CDH9: variants seen among roughly 807,000 people sequenced by gnomAD.
The protein encoded by CDH9 is cadherin-9.
Under a neutral mutation model 70.9 loss-of-function variants are expected in CDH9, and 28 were observed. That is an observed-to-expected ratio of 0.40 (90% confidence interval 0.29 to 0.54). The LOEUF (loss-of-function observed/expected upper bound fraction) is 0.54, where lower values mean the gene tolerates loss of function less well. CDH9 is among the 20% of genes least tolerant of loss of function. The pLI is 0.59. For synonymous variants in CDH9, 409 were observed against 343.1 expected, an observed-to-expected ratio of 1.19 and a Z score of -2.12; for missense variants, 874 against 984.4, an observed-to-expected ratio of 0.89 and a Z score of 1.50.
At chr5:26,994,119 T>A (rs1267421984) in intron 1 of CDH9, among the ~76,000 whole-genome samples, 1 of 152,178 alleles carries the variant, frequency 6.6e-6, no homozygotes, top group Admixed American at 6.5e-5. Context: ...GCACATTACC[T>A]GCTTGCTATC....
chr5:27,038,047 C>A (rs558903596), intron 1 of CDH9, among the ~76,000 whole-genome samples: 2 of 151,964 alleles, frequency 1.3e-5, no homozygotes, highest in African/African-American at 2.4e-5. Context: ...GTGATTTAAA[C>A]AAAAGTTATG....
intron 1 of CDH9, among the ~76,000 whole-genome samples, chr5:27,018,069 A>T (rs1743076803): frequency 6.6e-6 from 1 of 151,856 alleles, no homozygotes; most frequent in Non-Finnish European, 1.5e-5. Flanking sequence ...GAAAGACACA[A>T]ATCATATTTT....
intron 1 of CDH9, among the ~76,000 whole-genome samples, chr5:27,019,795 A>G (rs1743106464): frequency 6.6e-6 from 1 of 151,942 alleles, no homozygotes. Flanking sequence ...TATCCTTTGA[A>G]ATAAAATAAG....
At chr5:27,027,173 TAG>T (rs1363973542) in intron 1 of CDH9, among the ~76,000 whole-genome samples, 2 of 152,074 alleles carry the variant, frequency 1.3e-5, no homozygotes, top group Admixed American at 1.3e-4. Context: ...CGATAAAGTG[TAG>T]AGTGTTCTAT....
intron 2 of CDH9, among the ~76,000 whole-genome samples, chr5:26,924,675 T>G (rs1310575202): frequency 2.0e-5 from 3 of 152,048 alleles, no homozygotes; most frequent in Admixed American, 2.0e-4. Flanking sequence ...ATTAGGTGTT[T>G]CTCTTAATGC....
intron 1 of CDH9, among the ~76,000 whole-genome samples, chr5:27,021,870 A>G (rs1287018372): frequency 6.6e-6 from 1 of 152,026 alleles, no homozygotes; most frequent in Admixed American, 6.6e-5. Context: ...CTCTAACTCC[A>G]GAAGGAAATC....
At chr5:26,888,213 A>G (rs1057241108) in intron 9 of CDH9, among the ~76,000 whole-genome samples, 5 of 152,176 alleles carry the variant, frequency 3.3e-5, no homozygotes, top group African/African-American at 9.7e-5. Flanking sequence ...AATCATATGT[A>G]TTTGGTGGGA....
intron 2 of CDH9, among the ~76,000 whole-genome samples, chr5:26,929,032 A>C (rs918734783): frequency 6.6e-6 from 1 of 152,116 alleles, no homozygotes; most frequent in Non-Finnish European, 1.5e-5. Flanking sequence ...CAGCAAAAGA[A>C]ACAATCAACA....
intron 3 of CDH9, among the ~76,000 whole-genome samples, chr5:26,915,254 A>G (rs1451969990): frequency 2.6e-5 from 4 of 152,060 alleles, no homozygotes; most frequent in Non-Finnish European, 2.9e-5. Context: ...AATTTGCCAA[A>G]TGCAAGCATT....
chr5:27,017,085 T>C (rs1441738942), intron 1 of CDH9, among the ~76,000 whole-genome samples: 4 of 151,918 alleles, frequency 2.6e-5, no homozygotes, highest in African/African-American at 2.4e-5. Flanking sequence ...TTCTTCTTCA[T>C]TGTTTGTTTT....
At chr5:26,915,996 T>G in intron 2 of CDH9, 72 bp from the exon 3 acceptor site, 25 of 1,001,712 alleles carry the variant, frequency 2.5e-5, no homozygotes, top group Non-Finnish European at 3.4e-5. Context: ...ATTTTGGCGC[T>G]ATCAATTCGT....
At chr5:26,928,882 GA>G (rs1269847362) in intron 2 of CDH9, among the ~76,000 whole-genome samples, 4 of 151,574 alleles carry the variant, frequency 2.6e-5, no homozygotes, top group Non-Finnish European at 5.9e-5. Flanking sequence ...TTCAAGTTAG[GA>G]AACTACTAAA....
intron 1 of CDH9, among the ~76,000 whole-genome samples, chr5:26,999,678 C>CA (rs758743257): frequency 6.6e-5 from 10 of 151,932 alleles, no homozygotes; most frequent in Non-Finnish European, 8.8e-5. Flanking sequence ...CATCCATATG[C>CA]AAAAAAATTG....
chr5:26,931,474 GA>G (rs1312780503), intron 2 of CDH9, among the ~76,000 whole-genome samples: 4 of 152,148 alleles, frequency 2.6e-5, no homozygotes, highest in African/African-American at 9.7e-5. Context: ...TGACACACCA[GA>G]ATGGTCTAGT....
At chr5:26,909,253 G>T (rs933408688) in intron 3 of CDH9, among the ~76,000 whole-genome samples, 1 of 152,172 alleles carries the variant, frequency 6.6e-6, no homozygotes, top group East Asian at 1.9e-4. Flanking sequence ...AAAGTGTTGG[G>T]ATTACAGGCG....
chr5:27,019,664 G>T (rs1320226084), intron 1 of CDH9, among the ~76,000 whole-genome samples: 1 of 151,790 alleles, frequency 6.6e-6, no homozygotes, highest in Non-Finnish European at 1.5e-5. Flanking sequence ...TACAAAGATA[G>T]TATTCAGCTC....
chr5:26,966,345 A>G (rs1351649554), intron 2 of CDH9, among the ~76,000 whole-genome samples: 1 of 152,190 alleles, frequency 6.6e-6, no homozygotes, highest in African/African-American at 2.4e-5. Context: ...AGAAGGCTCT[A>G]ATAAAACTCC....
intron 2 of CDH9, among the ~76,000 whole-genome samples, chr5:26,926,720 C>T (rs1173381031): frequency 6.6e-6 from 1 of 152,066 alleles, no homozygotes; most frequent in African/African-American, 2.4e-5. Flanking sequence ...GTAACCAAAA[C>T]AGCATGGTAC....
At chr5:26,899,344 C>A (rs1338225810) in intron 7 of CDH9, among the ~76,000 whole-genome samples, 14 of 152,138 alleles carry the variant, frequency 9.2e-5, no homozygotes, top group Admixed American at 9.2e-4. Context: ...GATTATAAAT[C>A]ATTCTACTAT....
Sources: allele counts gnomAD v4.1 joint callset (sites outside exome capture counted in the v4.1 genomes callset), GRCh38; gene constraint gnomAD v4.1.1; transcripts MANE v1.5; gene names NCBI Gene and HGNC (gene_info 2026-07-23, HGNC 2026-07-21).